Variants in DEF8 observed in about 807,000 individuals in gnomAD.
The protein encoded by DEF8 is differentially expressed in FDCP 8 homolog, also known as DEF-8.
Under a neutral mutation model 59.1 loss-of-function variants are expected in DEF8, and 38 were observed. The observed-to-expected ratio is 0.64, with a 90% CI of 0.50 to 0.84. The LOEUF is 0.84. Ranked by LOEUF, DEF8 falls within the 40% of genes least tolerant of loss-of-function variation. The probability of loss-of-function intolerance (pLI) is 0.00; values close to 1 mark genes in which losing one functional copy is unlikely to be tolerated. For synonymous variants in DEF8, 265 were observed against 250.1 expected (o/e 1.06, Z -0.56); for missense variants, 557 against 615.2 (o/e 0.91, Z 1.00).
chr16:89,958,886 A>G (rs762941630), intron 5 of DEF8, 128 bp from the exon 6 acceptor site: 101 of 1,508,206 alleles, frequency 6.7e-5, no homozygotes, highest in Non-Finnish European at 7.8e-5. Flanking sequence ...GGGACATGGC[A>G]TTGTGCTGAA....
chr16:89,952,294 G>A (rs1455512600), intron 2 of DEF8, among the ~76,000 whole-genome samples: 2 of 152,264 alleles, frequency 1.3e-5, no homozygotes, highest in African/African-American at 2.4e-5. Flanking sequence ...TACCACGCCC[G>A]GCCCATTACT....
At position 89,954,018 on chromosome 16, in the gene DEF8, G is replaced by A. The variant is rs754019076; in HGVS notation, c.-10-225G>A. Among the ~76,000 whole-genome samples the A allele has an allele frequency of 3.9e-4, 59 of 152,330 alleles. No homozygotes were observed. Among genetic ancestry groups the A allele is most frequent in the South Asian group, 2.1e-4 (1 of 4,830 alleles). On this transcript the variant is annotated intron_variant, in intron 2 of 12. Coordinates refer to ENST00000563594, the MANE Select transcript of DEF8 (RefSeq NM_001242818.2). This position sits in a 1 kb window ranked among gnomAD's most constrained non-coding sequence, Gnocchi z 4.3. ...CCCTCGTGGGACCCTCATTGTCACC[G>A]TGAGCTCTTTCCAAGGGGACGCCAC...
rs768971382 is a variant in DEF8, at chr16:89,954,418, C to G, written c.124+42C>G. On this transcript the variant is annotated intron_variant, in intron 3 of 12. Transcript: ENST00000563594. This position sits in a 1 kb window ranked among gnomAD's most constrained non-coding sequence, Gnocchi z 4.3. ...GTCAGGGTGGGAGCTGGGCAGGTCTCTGACTGCTTACGTGGACCCCTCCTT... is the reference window on the plus strand; with the variant it reads ...GTCAGGGTGGGAGCTGGGCAGGTCTGTGACTGCTTACGTGGACCCCTCCTT... The G allele has an allele frequency of 3.8e-6, 6 of 1,598,556 alleles. No homozygotes were observed. The highest frequency in any genetic ancestry group is 1.7e-4 in the Middle Eastern group (1 of 5,880).
intron 6 of DEF8, among the ~76,000 whole-genome samples, chr16:89,959,790 C>T (rs941204516): frequency 2.6e-5 from 4 of 152,250 alleles, no homozygotes; most frequent in Non-Finnish European, 4.4e-5. Flanking sequence ...AGCCACCACG[C>T]CCAGCCGGCG....
At position 89,954,439 on chromosome 16, in the gene DEF8, T is replaced by G. The variant is rs1479240020; in HGVS notation, c.124+63T>G. 3 of 1,560,604 alleles carry G rather than the reference T, an allele frequency of 1.9e-6. No individual in the cohort carries two copies. The highest frequency in any genetic ancestry group is 2.7e-5 in the African/African-American group (2 of 73,342). ...GTCTCTGACTGCTTACGTGGACCCC[T>G]CCTTTCTTCCTGCCGCGTCCTGCGC... On this transcript the variant is annotated intron_variant, in intron 3 of 12. Transcript: ENST00000563594. The surrounding 1 kb of genome is among the most constrained non-coding windows in gnomAD (Gnocchi z 4.3).
rs772752227 is a variant in DEF8 at position 89,954,354 on chromosome 16, G to A, written c.102G>A (p.Glu34=). 7 of 1,613,704 alleles carry A rather than the reference G, an allele frequency of 4.3e-6. No individual in the cohort carries two copies. The East Asian group carries it at 1.3e-4, about 31-fold the overall frequency. Residue 34 remains glutamate, a synonymous_variant, in exon 3 of 13, where the codon GAG becomes GAA. Transcript: ENST00000563594. The surrounding 1 kb of genome is among the most constrained non-coding windows in gnomAD (Gnocchi z 4.3). ...AGCATGAGCAGGGCCCTGGGGAGGA[G>A]GTCCCGGACGTCACTCCTGAAGGTG... The part of the protein sequence containing the change: ...PRQHEQGPGE[E]VPDVTPEEAL...
At chr16:89,963,962 G>A (rs371438356) in intron 10 of DEF8, 43 of 676,898 alleles carry the variant, frequency 6.4e-5, no homozygotes, top group East Asian at 3.1e-4. Context: ...AGTGGAGGGC[G>A]GGGGGCTACA....
At chr16:89,961,552 C>T (rs898615104) in intron 7 of DEF8, among the ~76,000 whole-genome samples, 185 bp from the exon 8 acceptor site, 17 of 152,328 alleles carry the variant, frequency 1.1e-4, no homozygotes, top group South Asian at 8.3e-4. Flanking sequence ...GTTTATATCC[C>T]ATTTTACTGA....
At chr16:89,963,529 T>C (rs1246988957) in intron 10 of DEF8, 86 bp downstream of exon 10, 1 of 1,169,884 alleles carries the variant, frequency 8.5e-7, no homozygotes, top group African/African-American at 1.5e-5. Context: ...TCCGGACAGC[T>C]TGTGCGTGGA....
chr16:89,961,306 C>A (rs1479290215), intron 7 of DEF8, among the ~76,000 whole-genome samples: 1 of 152,226 alleles, frequency 6.6e-6, no homozygotes, highest in African/African-American at 2.4e-5. Context: ...CCGTGACTCA[C>A]CCAGGTCACT....
In DEF8 at chr16:89,965,842, G is replaced by A. The variant is rs1170612602; in HGVS notation, c.1254-19G>A. 5.7e-6 allele frequency: 9 copies of A among 1,580,884 alleles called. No individual in the cohort carries two copies. The highest frequency in any genetic ancestry group is 3.3e-5 in the South Asian group (3 of 89,786). On this transcript the variant is annotated intron_variant, in intron 12 of 12. Coordinates refer to ENST00000563594, the MANE Select transcript of DEF8 (RefSeq NM_001242818.2). ...TGGAGTTTCCTGTGCAGAGAGCCCC[G>A]ACCTCTTTCTGCCCCCAGGGACTGC...
At chr16:89,964,029 G>A (rs2034368611) in intron 10 of DEF8, 141 bp from the exon 11 acceptor site, 1 of 1,166,072 alleles carries the variant, frequency 8.6e-7, no homozygotes, top group East Asian at 2.4e-5. Context: ...TGGGGCTCCT[G>A]GATTCTACTC....
In DEF8 at chr16:89,954,518, C is replaced by G. The variant is rs1418443750; in HGVS notation, c.124+142C>G. ...CTGCTGGCTGTGTTCTTTTTCCCATCTCTTCTGTGGTCGTGTGGTTTGTTT... is the reference window on the plus strand; with the variant it reads ...CTGCTGGCTGTGTTCTTTTTCCCATGTCTTCTGTGGTCGTGTGGTTTGTTT... On this transcript the variant is annotated intron_variant, in intron 3 of 12. Coordinates refer to ENST00000563594, the MANE Select transcript of DEF8 (RefSeq NM_001242818.2). The surrounding 1 kb of genome is among the most constrained non-coding windows in gnomAD (Gnocchi z 4.3). 1 of 923,828 alleles carries G rather than the reference C, an allele frequency of 1.1e-6. No individual in the cohort carries two copies. Among genetic ancestry groups the G allele is most frequent in the Non-Finnish European group, 1.6e-6 (1 of 624,846 alleles). 57.2% of individuals were successfully genotyped at this position (923,828 alleles called of 1,614,324 possible). A position where few individuals can be genotyped will look rare whatever the true frequency, so the allele number is the denominator to read the frequency against.
chr16:89,966,036 T>G lies in DEF8; in HGVS notation c.*73T>G. On this transcript the variant is annotated 3_prime_UTR_variant, in exon 13 of 13. Transcript: ENST00000563594. Reference sequence around the variant, plus strand: ...CCTGCCAACATCAAGTTGTTCCTTCTGCTCCGGAGACCCCTGGGGTGCGGC... The same window carrying G: ...CCTGCCAACATCAAGTTGTTCCTTCGGCTCCGGAGACCCCTGGGGTGCGGC... 3.2e-6 allele frequency: 4 copies of G among 1,236,052 alleles called. No individual in the cohort carries two copies. Among genetic ancestry groups the G allele is most frequent in the Non-Finnish European group, 4.6e-6 (4 of 864,444 alleles). The allele number at this position is 1,236,052 out of a possible 1,614,324, so 76.6% of individuals were successfully genotyped here.
chr16:89,963,173 G>A (rs897717267), intron 9 of DEF8, among the ~76,000 whole-genome samples, 190 bp from the exon 10 acceptor site: 12 of 152,230 alleles, frequency 7.9e-5, no homozygotes, highest in Admixed American at 4.6e-4. Flanking sequence ...TCTGGACCAC[G>A]GTAAGTGAGC....
At chr16:89,965,153 AAAT>A (rs1443427195) in intron 12 of DEF8, among the ~76,000 whole-genome samples, 1 of 152,224 alleles carries the variant, frequency 6.6e-6, no homozygotes, top group Non-Finnish European at 1.5e-5. Context: ...GCTCTTGGAA[AAAT>A]AATGTACACA....
At chr16:89,956,686 T>TC (rs1047905130) in intron 4 of DEF8, 2 of 151,996 alleles carry the variant, frequency 1.3e-5, no homozygotes, top group Non-Finnish European at 2.9e-5. Flanking sequence ...TTCATTTTTT[T>TC]TTTATAGACA....
chr16:89,949,545 A>T (rs745871586), intron 2 of DEF8, 32 bp downstream of exon 2: 5 of 1,612,684 alleles, frequency 3.1e-6, no homozygotes, highest in Non-Finnish European at 4.2e-6. Flanking sequence ...TTGACTCCGC[A>T]CACCGGGGTG....
rs768097969 is a variant in DEF8, at chr16:89,963,392, G to T, written c.951G>T (p.Lys317Asn). Residue 317 changes from lysine (K) to asparagine (N), a missense_variant, in exon 10 of 13, where the codon AAG becomes AAT. Transcript: ENST00000563594. ...RKLRQDILLMKPYFITCREAM... is the reference protein window; with the variant it reads ...RKLRQDILLMNPYFITCREAM... ...TGCGCCAGGACATCCTGCTCATGAA[G>T]CCGTACTTCATCACCTGCAGGGAGG... 1.9e-6 allele frequency: 3 copies of T among 1,613,908 alleles called. No individual in the cohort carries two copies. In the South Asian group the frequency reaches 3.3e-5, roughly 18 times the overall value.
Sources: gnomAD v4.1 joint callset for allele counts (sites outside exome capture counted in the v4.1 genomes callset) on GRCh38, gnomAD v4.1.1 for gene constraint, Gnocchi (gnomAD v3.1) non-coding constraint, MANE v1.5 for transcripts, NCBI Gene and HGNC (gene_info 2026-07-23, HGNC 2026-07-21) for gene names.